EVA1C: variants seen among roughly 807,000 people sequenced by gnomAD.
EVA1C encodes eva-1 homolog C, also known as protein eva-1 homolog C.
Under a neutral mutation model 45.4 loss-of-function variants are expected in EVA1C, and 25 were observed. The ratio of observed to expected loss-of-function variants is 0.55; its 90% CI spans 0.40 to 0.77. The LOEUF (loss-of-function observed/expected upper bound fraction) is 0.77. Ranked by LOEUF, EVA1C falls within the 30% of genes least tolerant of loss-of-function variation. The pLI, the probability that EVA1C is intolerant of heterozygous loss-of-function variation, is 0.00. For missense variants in EVA1C, 479 were observed against 554.8 expected (o/e 0.86, Z 1.37); for synonymous variants, 190 against 221.2 (o/e 0.86, Z 1.25).
chr21:32,461,176 G>A (rs1351379135), intron 3 of EVA1C, among the ~76,000 whole-genome samples: 1 of 152,244 alleles, frequency 6.6e-6, no homozygotes, highest in Non-Finnish European at 1.5e-5. Flanking sequence ...GCTGCGGGTT[G>A]CAGGTGCATT....
chr21:32,441,032 G>A (rs1250207395), intron 1 of EVA1C, among the ~76,000 whole-genome samples: 1 of 152,188 alleles, frequency 6.6e-6, no homozygotes, highest in Non-Finnish European at 1.5e-5. Context: ...AGTCCAGAAG[G>A]TAGAGGTTGC....
intron 1 of EVA1C, among the ~76,000 whole-genome samples, chr21:32,441,022 A>C (rs1392197200): frequency 1.3e-5 from 2 of 152,226 alleles, no homozygotes; most frequent in Non-Finnish European, 2.9e-5. Flanking sequence ...GAATCGCTTG[A>C]GTCCAGAAGG....
chr21:32,502,013 TTTCTTTCTTTCTTTCTTTCTTTCTTTC>T (rs1456114129), intron 6 of EVA1C, among the ~76,000 whole-genome samples: 8 of 136,684 alleles, frequency 5.9e-5, no homozygotes, highest in African/African-American at 2.5e-4. Context: ...TCTTTCTTTC[TTTCTTTCTTTCTTTCTTTCTTTCTTTC>T]TTTCTTTCTT....
chr21:32,499,415 C>A (rs945369063), intron 5 of EVA1C, among the ~76,000 whole-genome samples: 2 of 152,222 alleles, frequency 1.3e-5, no homozygotes, highest in African/African-American at 4.8e-5. Flanking sequence ...TCCTCAAGGC[C>A]CTGGAAATCA....
At position 32,513,551 on chromosome 21, in the gene EVA1C, C is replaced by CTTTTTTT. The variant is rs1165725714; in HGVS notation, c.950-1250_950-1244dup. Among the ~76,000 whole-genome samples, 843 of 106,686 alleles carry CTTTTTTT rather than the reference C, an allele frequency of 7.9e-3. 4 individuals are homozygous for CTTTTTTT. The highest frequency in any genetic ancestry group is 0.013 in the East Asian group (48 of 3,676). 70.0% of individuals were successfully genotyped at this position (106,686 alleles called of 152,430 possible). On this transcript the variant is annotated intron_variant, in intron 7 of 7. Transcript: ENST00000300255. ...TTATTTATTTTAATATTTTTCTTTTCTTTTTTTTTTTTTTTTTTTGAGGCA... is the reference window on the plus strand; with the variant it reads ...TTATTTATTTTAATATTTTTCTTTTCTTTTTTTTTTTTTTTTTTTTTTTTTTGAGGCA...
chr21:32,448,942 G>T (rs561828898), intron 1 of EVA1C, among the ~76,000 whole-genome samples: 3 of 103,854 alleles, frequency 2.9e-5, no homozygotes, highest in African/African-American at 1.3e-4. Flanking sequence ...GAGAGAGAAA[G>T]AGAGAAAGAA....
intron 3 of EVA1C, among the ~76,000 whole-genome samples, chr21:32,464,480 G>A (rs571154650): frequency 1.3e-5 from 2 of 152,080 alleles, no homozygotes; most frequent in African/African-American, 4.8e-5. Context: ...TCTCACTGTT[G>A]TTTCTCTGCT....
intron 3 of EVA1C, among the ~76,000 whole-genome samples, chr21:32,458,414 G>C (rs1472889203): frequency 6.6e-6 from 1 of 151,906 alleles, no homozygotes; most frequent in African/African-American, 2.4e-5. Flanking sequence ...GGCATTAGAG[G>C]TTCTTGCACA....
intron 2 of EVA1C, among the ~76,000 whole-genome samples, chr21:32,455,391 G>A (rs1452367548): frequency 2.6e-5 from 4 of 152,138 alleles, no homozygotes; most frequent in African/African-American, 9.7e-5. Flanking sequence ...ACCTCTTAAA[G>A]ACTCCACCTG....
At chr21:32,415,638 G>A (rs1457472345) in intron 1 of EVA1C, among the ~76,000 whole-genome samples, 1 of 151,964 alleles carries the variant, frequency 6.6e-6, no homozygotes, top group African/African-American at 2.4e-5. Context: ...TAAGCCAGAG[G>A]CAGCATCATG....
intron 1 of EVA1C, among the ~76,000 whole-genome samples, chr21:32,430,535 TA>T (rs2034657927): frequency 6.6e-6 from 1 of 152,034 alleles, no homozygotes; most frequent in African/African-American, 2.4e-5. Flanking sequence ...GGGTAATTTG[TA>T]AAGAAAAAGA....
chr21:32,421,904 G>A (rs1386168642), intron 1 of EVA1C, among the ~76,000 whole-genome samples: 1 of 152,064 alleles, frequency 6.6e-6, no homozygotes, highest in Admixed American at 6.6e-5. Flanking sequence ...AATTAGCTGG[G>A]TGTGGTGGCG....
At chr21:32,496,072 T>C (rs2037342929) in intron 5 of EVA1C, among the ~76,000 whole-genome samples, 1 of 152,206 alleles carries the variant, frequency 6.6e-6, no homozygotes, top group East Asian at 1.9e-4. Context: ...TGTGCTACCA[T>C]CACCACAATC....
At chr21:32,483,835 A>G (rs546720949) in intron 4 of EVA1C, among the ~76,000 whole-genome samples, 1 of 152,214 alleles carries the variant, frequency 6.6e-6, no homozygotes, top group African/African-American at 2.4e-5. Flanking sequence ...ATGGTACCTT[A>G]GCAAAATAAG....
chr21:32,453,303 A>G lies in EVA1C; in HGVS notation c.161-9A>G. 6.3e-7 allele frequency: 1 copy of G among 1,585,890 alleles called. No homozygotes were observed. Among genetic ancestry groups the G allele is most frequent in the Non-Finnish European group, 8.6e-7 (1 of 1,158,618 alleles). On this transcript the variant is annotated splice_polypyrimidine_tract_variant and intron_variant, in intron 1 of 7. Transcript: ENST00000300255. ...TGGGCCTCTAGTAACTCGACTGAAT[A>G]TTTTCCAGGTTACCTAACCAAACTC...
At chr21:32,487,700 A>G (rs923005123) in intron 4 of EVA1C, among the ~76,000 whole-genome samples, 12 of 150,258 alleles carry the variant, frequency 8.0e-5, no homozygotes, top group African/African-American at 2.9e-4. Flanking sequence ...AGTCTGGGGG[A>G]CAGAGTGAGA....
chr21:32,446,371 C>T (rs1450383817), intron 1 of EVA1C, among the ~76,000 whole-genome samples: 2 of 152,204 alleles, frequency 1.3e-5, no homozygotes, highest in Non-Finnish European at 2.9e-5. Context: ...TCCAGGATAG[C>T]AAATACTTGC....
intron 1 of EVA1C, among the ~76,000 whole-genome samples, chr21:32,438,899 T>C (rs1368551707): frequency 6.6e-6 from 1 of 152,094 alleles, no homozygotes; most frequent in African/African-American, 2.4e-5. Flanking sequence ...AGCTGTCACC[T>C]GAGCTGTGAC....
At chr21:32,509,927 G>T (rs1038007827) in intron 7 of EVA1C, among the ~76,000 whole-genome samples, 2 of 151,970 alleles carry the variant, frequency 1.3e-5, no homozygotes, top group African/African-American at 4.8e-5. Context: ...AGAGGAAGCG[G>T]AAGTTCTCGG....
Sources: gnomAD v4.1 joint callset for allele counts (sites outside exome capture counted in the v4.1 genomes callset) on GRCh38, gnomAD v4.1.1 for gene constraint, MANE v1.5 for transcripts, NCBI Gene and HGNC (gene_info 2026-07-23, HGNC 2026-07-21) for gene names.